The following PPP1R12B variants were observed in gnomAD, a reference collection of about 807,000 sequenced individuals.
PPP1R12B encodes the protein myosin phosphatase target subunit 2.
A neutral mutation model predicts 126.1 loss-of-function variants in PPP1R12B; 76 were observed. That is an observed-to-expected ratio of 0.60 (90% CI 0.50 to 0.73). The LOEUF (loss-of-function observed/expected upper bound fraction) is 0.73, where lower values mean the gene tolerates loss of function less well. PPP1R12B is among the 30% of genes least tolerant of loss of function. The pLI is 0.00. For synonymous variants in PPP1R12B, 356 were observed against 434.7 expected (o/e 0.82, Z 2.25); for missense variants, 1,052 against 1,205.1 (o/e 0.87, Z 1.88).
At chr1:202,552,433 A>G (rs1462510812) in intron 18 of PPP1R12B, among the ~76,000 whole-genome samples, 1 of 152,224 alleles carries the variant, frequency 6.6e-6, no homozygotes, top group Non-Finnish European at 1.5e-5. Flanking sequence ...ATGAAACCAG[A>G]ATGATTCTTA....
chr1:202,398,006 G>T (rs1460339144), intron 1 of PPP1R12B, among the ~76,000 whole-genome samples: 1 of 152,172 alleles, frequency 6.6e-6, no homozygotes, highest in Non-Finnish European at 1.5e-5. Context: ...CCACCTCCTG[G>T]ACTCAAGTGA....
chr1:202,571,923 A>ACC (rs997678711), intron 23 of PPP1R12B, among the ~76,000 whole-genome samples: 1 of 152,042 alleles, frequency 6.6e-6, no homozygotes, highest in African/African-American at 2.4e-5. Flanking sequence ...ATCGTCCAGC[A>ACC]CCCCCTAGAG....
At chr1:202,531,714 T>C (rs1683966812) in intron 18 of PPP1R12B, among the ~76,000 whole-genome samples, 1 of 152,236 alleles carries the variant, frequency 6.6e-6, no homozygotes, top group Admixed American at 6.5e-5. Context: ...TAAAATACTG[T>C]ATATTGTATC....
At chr1:202,551,290 CATATA>C (rs939494752) in intron 18 of PPP1R12B, among the ~76,000 whole-genome samples, 5 of 152,148 alleles carry the variant, frequency 3.3e-5, no homozygotes, top group Non-Finnish European at 7.3e-5. Context: ...CAAATCAAGA[CATATA>C]ATATGATGAA....
At chr1:202,425,478 T>C in intron 3 of PPP1R12B, 88 bp from the exon 4 acceptor site, 2 of 1,363,418 alleles carry the variant, frequency 1.5e-6, no homozygotes, top group Non-Finnish European at 2.0e-6. Flanking sequence ...TATTTATGTT[T>C]ATGATGTGCT....
intron 1 of PPP1R12B, among the ~76,000 whole-genome samples, chr1:202,350,503 A>G (rs539870542): frequency 2.0e-5 from 3 of 152,372 alleles, no homozygotes; most frequent in South Asian, 2.1e-4. Context: ...AGAGATCTCT[A>G]TCTCACTTAA....
intron 1 of PPP1R12B, among the ~76,000 whole-genome samples, chr1:202,370,966 AT>A (rs1460191722): frequency 1.5e-5 from 2 of 133,058 alleles, no homozygotes; most frequent in Admixed American, 7.5e-5. Context: ...TGATATTGTC[AT>A]TTTTTTTGAA....
intron 13 of PPP1R12B, among the ~76,000 whole-genome samples, chr1:202,478,205 G>A (rs1393320336): frequency 6.6e-6 from 1 of 152,184 alleles, no homozygotes; most frequent in Non-Finnish European, 1.5e-5. Context: ...GCCTTTGCAG[G>A]CCATGTTGTC....
intron 3 of PPP1R12B, among the ~76,000 whole-genome samples, chr1:202,424,732 T>G (rs576164097): frequency 1.3e-5 from 2 of 152,306 alleles, no homozygotes; most frequent in South Asian, 4.1e-4. Context: ...TTATTTTGTA[T>G]AATGGGGTAT....
intron 1 of PPP1R12B, among the ~76,000 whole-genome samples, 200 bp downstream of exon 1, chr1:202,349,342 C>T (rs760744094): frequency 2.6e-5 from 4 of 152,180 alleles, no homozygotes; most frequent in Non-Finnish European, 4.4e-5. Flanking sequence ...TTAGGAATAG[C>T]GTCACCCCGC....
chr1:202,494,255 C>T (rs1463694435), intron 15 of PPP1R12B, among the ~76,000 whole-genome samples: 1 of 152,118 alleles, frequency 6.6e-6, no homozygotes, highest in African/African-American at 2.4e-5. Context: ...CTTCTAAGCA[C>T]CTAACACACA....
Position 202,565,707 on chromosome 1 carries a change from A to G in PPP1R12B, c.2757+1160A>G, listed in dbSNP as rs983880756. On this transcript the variant is annotated intron_variant, in intron 21 of 23. Transcript: ENST00000608999. This position sits in a 1 kb window ranked among gnomAD's most constrained non-coding sequence, Gnocchi z 4.3. ...CCTTTTTCCTGATTATAGTAGCCCA[A>G]CATGGCTCTACTGGAAATTTCTGAG... 2.0e-5 allele frequency among the ~76,000 whole-genome samples: 3 copies of G among 152,234 alleles called. No individual in the cohort carries two copies. Among genetic ancestry groups the G allele is most frequent in the African/African-American group, 7.2e-5 (3 of 41,456 alleles).
intron 1 of PPP1R12B, chr1:202,369,673 G>A (rs1477853550): frequency 1.6e-5 from 3 of 187,488 alleles, no homozygotes; most frequent in Admixed American, 1.0e-4. Flanking sequence ...CTCAGGTGAT[G>A]CCTTTGTTCT....
chr1:202,517,575 A>C (rs1348202060), intron 18 of PPP1R12B, among the ~76,000 whole-genome samples: 1 of 152,222 alleles, frequency 6.6e-6, no homozygotes, highest in African/African-American at 2.4e-5. Context: ...TGCATAAGAA[A>C]AAGTGTGTAA....
At chr1:202,480,817 C>T (rs1341107164) in intron 13 of PPP1R12B, among the ~76,000 whole-genome samples, 1 of 152,156 alleles carries the variant, frequency 6.6e-6, no homozygotes, top group African/African-American at 2.4e-5. Context: ...CAAAATCATG[C>T]ATGACTAAGA....
At chr1:202,537,975 G>A (rs954368431) in intron 18 of PPP1R12B, among the ~76,000 whole-genome samples, 4 of 151,992 alleles carry the variant, frequency 2.6e-5, no homozygotes, top group African/African-American at 9.7e-5. Flanking sequence ...AAGATAATTG[G>A]CAAGTTGTTT....
intron 18 of PPP1R12B, among the ~76,000 whole-genome samples, chr1:202,549,172 T>C (rs1412726120): frequency 6.6e-6 from 1 of 152,146 alleles, no homozygotes; most frequent in Admixed American, 6.5e-5. Context: ...ACTAGCACTT[T>C]GGGATGACTG....
rs760776524 is a variant in PPP1R12B, at chr1:202,443,900, G to A, written c.1667+1328G>A. ...GATAGATGTAGTTTGGCAAAGTTAC[G>A]GTGAACAGTGAAGGGACAGGCTGCC... On this transcript the variant is annotated intron_variant, in intron 12 of 23. Transcript: ENST00000608999. 7.2e-4 allele frequency among the ~76,000 whole-genome samples: 109 copies of A among 152,272 alleles called. 1 individual carries two copies. Among genetic ancestry groups the A allele is most frequent in the African/African-American group, 2.2e-3 (93 of 41,546 alleles).
chr1:202,423,037 A>G (rs1192702281), intron 3 of PPP1R12B, among the ~76,000 whole-genome samples: 1 of 152,200 alleles, frequency 6.6e-6, no homozygotes, highest in African/African-American at 2.4e-5. Context: ...TACTGTGTGT[A>G]TGCATGGTAT....
Sources: allele counts gnomAD v4.1 joint callset (sites outside exome capture counted in the v4.1 genomes callset), GRCh38; gene constraint gnomAD v4.1.1; non-coding constraint Gnocchi (gnomAD v3.1); transcripts MANE v1.5; gene names NCBI Gene and HGNC (gene_info 2026-07-23, HGNC 2026-07-21).